PDGFC: variants seen among roughly 807,000 people sequenced by gnomAD.
The protein encoded by PDGFC is platelet derived growth factor C, also known as platelet-derived growth factor C.
A neutral mutation model predicts 35.5 loss-of-function variants in PDGFC; 12 were observed. The ratio of observed to expected loss-of-function variants is 0.34; its 90% CI spans 0.22 to 0.55. PDGFC has a LOEUF of 0.55. Ranked by LOEUF, PDGFC falls within the 20% of genes least tolerant of loss-of-function variation. The pLI, the probability that PDGFC is intolerant of heterozygous loss-of-function variation, is 0.91. For missense variants in PDGFC, 322 were observed against 412.4 expected (o/e 0.78, Z 1.90); for synonymous variants, 159 against 148.8 (o/e 1.07, Z -0.50).
intron 4 of PDGFC, among the ~76,000 whole-genome samples, chr4:156,769,533 TTTC>T (rs1174951068): frequency 2.6e-5 from 4 of 151,988 alleles, no homozygotes; most frequent in Non-Finnish European, 4.4e-5. Context: ...AATGAGTCCA[TTTC>T]AACACCTTAT....
intron 1 of PDGFC, among the ~76,000 whole-genome samples, chr4:156,878,353 T>C (rs190840670): frequency 6.6e-6 from 1 of 152,242 alleles, no homozygotes; most frequent in Non-Finnish European, 1.5e-5. Context: ...TTTAGCAAAG[T>C]AGAATGTAAG....
At chr4:156,879,437 A>G (rs6841760) in intron 1 of PDGFC, among the ~76,000 whole-genome samples, 11,336 of 152,190 alleles carry the variant, frequency 0.074, 1,395 homozygotes, top group African/African-American at 0.26. Context: ...CTCTTAAGTT[A>G]TTTACTTACT....
chr4:156,947,313 T>A, intron 1 of PDGFC, among the ~76,000 whole-genome samples: 1 of 152,014 alleles, frequency 6.6e-6, no homozygotes, highest in East Asian at 1.9e-4. Context: ...CTTATTTCCC[T>A]ACTCAAAAGA....
At chr4:156,824,313 T>TACAC (rs1442250659) in intron 2 of PDGFC, among the ~76,000 whole-genome samples, 6 of 45,248 alleles carry the variant, frequency 1.3e-4, no homozygotes, top group African/African-American at 5.7e-4. Flanking sequence ...TATATATATA[T>TACAC]ATATATATAT....
chr4:156,916,211 C>T (rs1048956411), intron 1 of PDGFC, among the ~76,000 whole-genome samples: 5 of 152,124 alleles, frequency 3.3e-5, no homozygotes, highest in African/African-American at 1.2e-4. Flanking sequence ...GAGGCCTTTA[C>T]GATATTTACA....
intron 1 of PDGFC, among the ~76,000 whole-genome samples, chr4:156,877,122 A>C (rs1178501600): frequency 6.6e-6 from 1 of 152,068 alleles, no homozygotes; most frequent in East Asian, 1.9e-4. Flanking sequence ...TTGTGGGTAC[A>C]TAATAAGTGT....
chr4:156,851,714 C>A (rs1226769960), intron 1 of PDGFC, among the ~76,000 whole-genome samples: 1 of 151,884 alleles, frequency 6.6e-6, no homozygotes, highest in Admixed American at 6.6e-5. Flanking sequence ...GAGGCCGAGG[C>A]GGGTGGATCA....
rs186748439 is a variant in PDGFC, at chr4:156,884,099, C to T, written c.119-33683G>A. ...AACGCATGTCCTACTTAAAGGATGC[C>T]TCCAAGAAGGAAAGCTAAACAAGAT... On this transcript the variant is annotated intron_variant, in intron 1 of 5. Transcript: ENST00000502773. Among the ~76,000 whole-genome samples, 407 of 152,298 alleles carry T rather than the reference C, an allele frequency of 2.7e-3. 1 individual carries two copies. Among genetic ancestry groups the T allele is most frequent in the African/African-American group, 9.5e-3 (395 of 41,558 alleles).
intron 1 of PDGFC, among the ~76,000 whole-genome samples, chr4:156,968,634 T>C (rs1433687829): frequency 5.3e-5 from 8 of 152,114 alleles, no homozygotes; most frequent in Non-Finnish European, 1.0e-4. Context: ...CATTTACGTA[T>C]AAAAATCAAC....
rs1730724037 is a variant in PDGFC, at chr4:156,772,812, A to C, written c.577T>G (p.Phe193Val). ...CGAATAAGGTCTTCCAAGGTACTAA[A>C]GGCAGTTATAGCATTATTAAGCAGG... ...LDLLNNAITA[F>V]STLEDLIRYL... is the part of the protein sequence containing the mutation. The change falls in exon 4 of 6, where the codon TTT becomes GTT. Residue 193 changes from phenylalanine (F) to valine (V), a missense_variant. This residue lies in a region of PDGFC where 202 missense variants were observed against 295.9 expected (regional missense o/e 0.68). Coordinates refer to ENST00000502773, the MANE Select transcript of PDGFC (RefSeq NM_016205.3). 6.2e-7 allele frequency: 1 copy of C among 1,612,982 alleles called. No homozygotes were observed. Among genetic ancestry groups the C allele is most frequent in the Non-Finnish European group, 8.5e-7 (1 of 1,179,002 alleles).
At chr4:156,942,486 A>G (rs1731833071) in intron 1 of PDGFC, among the ~76,000 whole-genome samples, 1 of 151,882 alleles carries the variant, frequency 6.6e-6, no homozygotes, top group Non-Finnish European at 1.5e-5. Context: ...TAGTAACACT[A>G]CAGCTGTATG....
At chr4:156,914,291 C>T (rs1456923394) in intron 1 of PDGFC, among the ~76,000 whole-genome samples, 4 of 152,080 alleles carry the variant, frequency 2.6e-5, no homozygotes, top group Admixed American at 1.3e-4. Context: ...ATCTGCTTGT[C>T]CTTGTTCTGT....
intron 1 of PDGFC, among the ~76,000 whole-genome samples, chr4:156,945,912 T>C (rs1731936057): frequency 6.6e-6 from 1 of 152,066 alleles, no homozygotes; most frequent in Admixed American, 6.6e-5. Context: ...CAGGAGCTGA[T>C]CGCGTCTGAT....
At chr4:156,817,737 G>A (rs750637157) in intron 2 of PDGFC, among the ~76,000 whole-genome samples, 18 of 152,064 alleles carry the variant, frequency 1.2e-4, no homozygotes, top group African/African-American at 3.6e-4. Context: ...TTTGACCAGC[G>A]CAGCTATCCT....
chr4:156,767,301 A>G (rs1730565431), intron 5 of PDGFC, among the ~76,000 whole-genome samples: 1 of 152,150 alleles, frequency 6.6e-6, no homozygotes, highest in African/African-American at 2.4e-5. Context: ...TTGAAGCAAC[A>G]TGAATAATAC....
At chr4:156,952,517 TA>T (rs1173662822) in intron 1 of PDGFC, among the ~76,000 whole-genome samples, 1 of 151,832 alleles carries the variant, frequency 6.6e-6, no homozygotes, top group Admixed American at 6.6e-5. Context: ...AACTATGCTT[TA>T]ACCTGGTATC....
chr4:156,963,661 G>A (rs916532345), intron 1 of PDGFC, among the ~76,000 whole-genome samples: 1 of 152,084 alleles, frequency 6.6e-6, no homozygotes, highest in Non-Finnish European at 1.5e-5. Flanking sequence ...CAGTCACTAG[G>A]GGATGATAAA....
Position 156,967,929 on chromosome 4 carries a change from T to A in PDGFC, c.118+2857A>T, listed in dbSNP as rs532820400. Among the ~76,000 whole-genome samples, 23 of 152,358 alleles carry A rather than the reference T, an allele frequency of 1.5e-4. 1 individual carries two copies. The South Asian group carries it at 4.3e-3, about 29-fold the overall frequency. On this transcript the variant is annotated intron_variant, in intron 1 of 5. Coordinates refer to ENST00000502773, the MANE Select transcript of PDGFC (RefSeq NM_016205.3). ...GTAAGGTTAAAAATTAAGTATAGTA[T>A]ATGAAGTCAACTTATAATATTAGAG...
Position 156,886,211 on chromosome 4 carries a change from T to A in PDGFC, c.119-35795A>T, listed in dbSNP as rs193076012. ...GAAAGTTGTGGCAAATTCTTATACA[T>A]AATATCTAAATTATTGGTGTAATAA... is the stretch of plus-strand genomic sequence containing the variant. On this transcript the variant is annotated intron_variant, in intron 1 of 5. Transcript: ENST00000502773. Among the ~76,000 whole-genome samples the A allele has an allele frequency of 2.0e-3, 298 of 152,280 alleles. 1 individual carries two copies. The highest frequency in any genetic ancestry group is 2.9e-3 in the Non-Finnish European group (196 of 68,000).
Sources: allele counts gnomAD v4.1 joint callset (sites outside exome capture counted in the v4.1 genomes callset), GRCh38; gene constraint gnomAD v4.1.1; regional missense constraint gnomAD v4.1.1; transcripts MANE v1.5; gene names NCBI Gene and HGNC (gene_info 2026-07-23, HGNC 2026-07-21).